ZDHHC17: variants seen among roughly 807,000 people sequenced by gnomAD.
ZDHHC17 encodes the protein zDHHC palmitoyltransferase 17, also known as palmitoyltransferase ZDHHC17.
In ZDHHC17, 40 loss-of-function variants were observed where a neutral mutation model predicts 90.3. The observed-to-expected ratio is 0.44, with a 90% CI of 0.34 to 0.58. The LOEUF (loss-of-function observed/expected upper bound fraction) is 0.58. Ranked by LOEUF, ZDHHC17 falls within the 20% of genes least tolerant of loss-of-function variation. The pLI, the probability that ZDHHC17 is intolerant of heterozygous loss-of-function variation, is 0.01. For missense variants in ZDHHC17, 614 were observed against 780.8 expected, an observed-to-expected ratio of 0.79 and a Z score of 2.55; for synonymous variants, 235 against 252.4, an observed-to-expected ratio of 0.93 and a Z score of 0.65.
chr12:76,773,727 A>G (rs1372430170), intron 1 of ZDHHC17, among the ~76,000 whole-genome samples: 1 of 152,154 alleles, frequency 6.6e-6, no homozygotes, highest in Non-Finnish European at 1.5e-5. Context: ...TTTATTTTTT[A>G]CTTATTTTTT....
intron 13 of ZDHHC17, chr12:76,846,320 T>C: frequency 2.8e-6 from 1 of 358,964 alleles, no homozygotes; most frequent in East Asian, 4.7e-5. Flanking sequence ...ATTTTAAACC[T>C]CACAAAGAAT....
chr12:76,842,812 A>G, intron 11 of ZDHHC17, 107 bp from the exon 12 acceptor site: 1 of 763,850 alleles, frequency 1.3e-6, no homozygotes. Flanking sequence ...AACTCAAAAC[A>G]TCAGTAAATT....
chr12:76,764,652 G>T (rs1411020394), intron 1 of ZDHHC17: 6 of 496,820 alleles, frequency 1.2e-5, no homozygotes, highest in Admixed American at 8.5e-5. Flanking sequence ...TTTTTGAACC[G>T]CAGCTTAGAC....
intron 6 of ZDHHC17, 24 bp from the exon 7 acceptor site, chr12:76,815,833 G>GTTTTTTTTTTTTTTTTTT: frequency 8.8e-7 from 1 of 1,141,508 alleles, no homozygotes; most frequent in Admixed American, 3.7e-5. Flanking sequence ...GTTGTTGTTT[G>GTTTTTTTTTTTTTTTTTT]TTTTTTTTTT....
rs569854003 is a variant in ZDHHC17, at chr12:76,794,633, C to T, written c.94-2801C>T. On this transcript the variant is annotated intron_variant, in intron 1 of 16. Transcript: ENST00000426126. ...ACTAAGGAAATAAAAACAACCTTATCGGAGGCACAAAACAGATACTTACAT... is the reference window on the plus strand; with the variant it reads ...ACTAAGGAAATAAAAACAACCTTATTGGAGGCACAAAACAGATACTTACAT... Among the ~76,000 whole-genome samples, 33 of 152,040 alleles carry T rather than the reference C, an allele frequency of 2.2e-4. 1 individual carries two copies. In the East Asian group the frequency reaches 3.7e-3, roughly 17 times the overall value.
intron 6 of ZDHHC17, among the ~76,000 whole-genome samples, chr12:76,815,504 A>T (rs1953076043): frequency 6.6e-6 from 1 of 151,812 alleles, no homozygotes; most frequent in Admixed American, 6.6e-5. Flanking sequence ...AAATTTATTA[A>T]TTAGTAAGTT....
chr12:76,765,884 A>G (rs1298201401), intron 1 of ZDHHC17, among the ~76,000 whole-genome samples: 1 of 152,016 alleles, frequency 6.6e-6, no homozygotes, highest in Non-Finnish European at 1.5e-5. Flanking sequence ...TATTATTTGT[A>G]GAAGAAGAGG....
At chr12:76,764,736 G>T in intron 1 of ZDHHC17, 2 of 467,292 alleles carry the variant, frequency 4.3e-6, no homozygotes, top group Non-Finnish European at 8.5e-6. Flanking sequence ...CTTCGCCAGG[G>T]TGAATGACGG....
At chr12:76,829,597 A>G (rs943534348) in intron 10 of ZDHHC17, among the ~76,000 whole-genome samples, 5 of 151,998 alleles carry the variant, frequency 3.3e-5, no homozygotes, top group Non-Finnish European at 5.9e-5. Context: ...CTAACTAAGC[A>G]TATTTTAAGC....
intron 5 of ZDHHC17, among the ~76,000 whole-genome samples, chr12:76,812,573 A>G (rs1293278954): frequency 1.3e-5 from 2 of 151,586 alleles, no homozygotes; most frequent in Non-Finnish European, 2.9e-5. Context: ...GTTTTTCTTA[A>G]TGTTAACTAT....
chr12:76,802,255 T>G (rs943512117), intron 2 of ZDHHC17, among the ~76,000 whole-genome samples: 3 of 152,206 alleles, frequency 2.0e-5, no homozygotes, highest in African/African-American at 7.2e-5. Flanking sequence ...CTTTTAGCGC[T>G]TTGGATATGT....
Position 76,828,516 on chromosome 12 carries a change from C to G in ZDHHC17, c.1141+26C>G, listed in dbSNP as rs749242858. 2.5e-6 allele frequency: 4 copies of G among 1,597,788 alleles called. No homozygotes were observed. In the South Asian group the frequency reaches 4.5e-5, roughly 18 times the overall value. ...ATATCCTTTGGTTATAAAGATCATACCAAAAACAAATTTTGTTTGTTATTT... is the reference window on the plus strand; with the variant it reads ...ATATCCTTTGGTTATAAAGATCATAGCAAAAACAAATTTTGTTTGTTATTT... On this transcript the variant is annotated intron_variant, in intron 10 of 16. Coordinates refer to ENST00000426126, the MANE Select transcript of ZDHHC17 (RefSeq NM_015336.4).
intron 1 of ZDHHC17, among the ~76,000 whole-genome samples, chr12:76,776,733 T>G (rs1209412578): frequency 6.6e-6 from 1 of 152,202 alleles, no homozygotes; most frequent in Non-Finnish European, 1.5e-5. Flanking sequence ...ATTAGCTATG[T>G]GTGGCTAGTG....
chr12:76,810,182 T>G (rs1953002674), intron 5 of ZDHHC17, among the ~76,000 whole-genome samples: 1 of 152,110 alleles, frequency 6.6e-6, no homozygotes, highest in Non-Finnish European at 1.5e-5. Context: ...CATCCAAACT[T>G]TTTTGAACTT....
rs758842643 is a variant in ZDHHC17 at position 76,850,807 on chromosome 12, TACTG to T, written c.1761-33_1761-30del. 5.0e-6 allele frequency: 8 copies of T among 1,602,540 alleles called. No individual in the cohort carries two copies. In the African/African-American group the frequency reaches 1.1e-4, roughly 22 times the overall value. ...TTGAATTCATGTATTAAATCATTTG[TACTG>T]ACTGACGTGTTTTCTTTTTGGGGTG... On this transcript the variant is annotated intron_variant, in intron 16 of 16. Transcript: ENST00000426126.
At chr12:76,783,141 C>T (rs979969221) in intron 1 of ZDHHC17, among the ~76,000 whole-genome samples, 21 of 152,148 alleles carry the variant, frequency 1.4e-4, no homozygotes, top group African/African-American at 5.1e-4. Flanking sequence ...CTCAAAATGT[C>T]CTGCAAGAGA....
chr12:76,819,740 T>C (rs1304278773), intron 7 of ZDHHC17, among the ~76,000 whole-genome samples: 1 of 152,206 alleles, frequency 6.6e-6, no homozygotes, highest in Non-Finnish European at 1.5e-5. Context: ...CTCATGCCTG[T>C]AATCCCAGCA....
intron 1 of ZDHHC17, among the ~76,000 whole-genome samples, chr12:76,793,736 A>T (rs1261794971): frequency 6.6e-6 from 1 of 152,112 alleles, no homozygotes; most frequent in Non-Finnish European, 1.5e-5. Context: ...ATTTTTTTCT[A>T]TTATACCAAG....
At chr12:76,846,325 A>G in intron 13 of ZDHHC17, 6 of 367,556 alleles carry the variant, frequency 1.6e-5, no homozygotes, top group Non-Finnish European at 2.9e-5. Flanking sequence ...AAACCTCACA[A>G]AGAATAGGAT....
Sources: gnomAD v4.1 joint callset for allele counts (sites outside exome capture counted in the v4.1 genomes callset) on GRCh38, gnomAD v4.1.1 for gene constraint, MANE v1.5 for transcripts, NCBI Gene and HGNC (gene_info 2026-07-23, HGNC 2026-07-21) for gene names.